The following MYO1D variants were observed in gnomAD, a reference collection of about 807,000 sequenced individuals.
MYO1D encodes myosin ID.
A neutral mutation model predicts 122.0 loss-of-function variants in MYO1D; 83 were observed. The observed-to-expected ratio is 0.68, with a 90% confidence interval of 0.57 to 0.82. MYO1D has a LOEUF of 0.82. MYO1D is among the 40% of genes least tolerant of loss of function. MYO1D has a pLI of 0.00. For synonymous variants in MYO1D, 464 were observed against 446.9 expected, an observed-to-expected ratio of 1.04 and a Z score of -0.48; for missense variants, 1,157 against 1,269.5, an observed-to-expected ratio of 0.91 and a Z score of 1.35.
chr17:32,530,617 A>G (rs1396608560), intron 21 of MYO1D, among the ~76,000 whole-genome samples: 1 of 152,128 alleles, frequency 6.6e-6, no homozygotes, highest in African/African-American at 2.4e-5. Context: ...CCTGGGCTAC[A>G]TGGTGAAACC....
intron 21 of MYO1D, among the ~76,000 whole-genome samples, chr17:32,581,239 A>G (rs2087335738): frequency 6.6e-6 from 1 of 152,018 alleles, no homozygotes; most frequent in East Asian, 1.9e-4. Context: ...AAGTTGTATC[A>G]CATTCTTTTG....
At chr17:32,499,600 C>G (rs964649547) in intron 21 of MYO1D, among the ~76,000 whole-genome samples, 1 of 152,044 alleles carries the variant, frequency 6.6e-6, no homozygotes, top group Non-Finnish European at 1.5e-5. Context: ...TGCCACTGCA[C>G]TCCAGCCTGG....
At chr17:32,830,842 G>A (rs1029308973) in intron 1 of MYO1D, among the ~76,000 whole-genome samples, 17 of 152,306 alleles carry the variant, frequency 1.1e-4, no homozygotes, top group South Asian at 6.2e-4. Flanking sequence ...GGCAGATCAC[G>A]AAGTCAGGAG....
At chr17:32,636,110 T>A (rs564020096) in intron 20 of MYO1D, among the ~76,000 whole-genome samples, 1 of 152,284 alleles carries the variant, frequency 6.6e-6, no homozygotes, top group African/African-American at 2.4e-5. Flanking sequence ...ATCCACCCCC[T>A]TTCTCTCTCT....
At chr17:32,860,524 T>C (rs2091061638) in intron 1 of MYO1D, among the ~76,000 whole-genome samples, 1 of 152,250 alleles carries the variant, frequency 6.6e-6, no homozygotes, top group African/African-American at 2.4e-5. Context: ...TTTGTATTTG[T>C]ATTGTTAAAT....
rs77898125 is a variant in MYO1D at position 32,548,684 on chromosome 17, C to T, written c.2865-53769G>A. Among the ~76,000 whole-genome samples, 311 of 151,498 alleles carry T rather than the reference C, an allele frequency of 2.1e-3. 1 individual carries two copies. The highest frequency in any genetic ancestry group is 3.3e-3 in the Non-Finnish European group (225 of 67,912). On this transcript the variant is annotated intron_variant, in intron 21 of 21. Transcript: ENST00000318217. ...GGAGACCTGACTTCTTATTCAGTAC[C>T]ACTTTAAATTCTTTTTAAATTATTT...
chr17:32,654,695 T>TC, intron 17 of MYO1D, 74 bp from the exon 18 acceptor site: 5 of 1,375,818 alleles, frequency 3.6e-6, no homozygotes, highest in Non-Finnish European at 4.8e-6. Flanking sequence ...TTTTTTTTTT[T>TC]CTTTTTTGAG....
chr17:32,501,074 G>A (rs1305471974), intron 21 of MYO1D, among the ~76,000 whole-genome samples: 1 of 151,510 alleles, frequency 6.6e-6, no homozygotes, highest in Non-Finnish European at 1.5e-5. Flanking sequence ...ACATTGAACT[G>A]CCATATCACC....
At chr17:32,844,968 A>G (rs777738213) in intron 1 of MYO1D, among the ~76,000 whole-genome samples, 7 of 152,144 alleles carry the variant, frequency 4.6e-5, no homozygotes, top group African/African-American at 1.2e-4. Flanking sequence ...AAATGTCAAC[A>G]GTACACCTTT....
At chr17:32,858,553 C>A (rs560985702) in intron 1 of MYO1D, among the ~76,000 whole-genome samples, 32 of 152,154 alleles carry the variant, frequency 2.1e-4, no homozygotes, top group Non-Finnish European at 3.1e-4. Flanking sequence ...TCAGGTTATG[C>A]ATCTTTAGCA....
At chr17:32,845,661 C>T (rs1038236162) in intron 1 of MYO1D, among the ~76,000 whole-genome samples, 1 of 152,044 alleles carries the variant, frequency 6.6e-6, no homozygotes, top group South Asian at 2.1e-4. Flanking sequence ...CCACATGTGG[C>T]TATTAAACTT....
At chr17:32,723,638 T>G (rs1257608045) in intron 14 of MYO1D, among the ~76,000 whole-genome samples, 1 of 152,146 alleles carries the variant, frequency 6.6e-6, no homozygotes, top group Admixed American at 6.5e-5. Flanking sequence ...CGAGAGGGTC[T>G]GCCTGCCCTC....
chr17:32,730,118 ATTGTTT>A (rs748260159), intron 14 of MYO1D, among the ~76,000 whole-genome samples: 56 of 136,558 alleles, frequency 4.1e-4, no homozygotes, highest in Non-Finnish European at 7.4e-4. Context: ...CTTTGTTTTT[ATTGTTT>A]TTTTTTTTCT....
At chr17:32,628,050 T>C (rs568052850) in intron 20 of MYO1D, among the ~76,000 whole-genome samples, 17 of 152,338 alleles carry the variant, frequency 1.1e-4, no homozygotes, top group Non-Finnish European at 1.8e-4. Flanking sequence ...ATCAAAGTTT[T>C]GGACACAATA....
chr17:32,703,496 G>A (rs1367829946), intron 16 of MYO1D, among the ~76,000 whole-genome samples: 1 of 151,376 alleles, frequency 6.6e-6, no homozygotes, highest in African/African-American at 2.4e-5. Flanking sequence ...GCCAAGGGTG[G>A]TATTGAACTC....
intron 1 of MYO1D, among the ~76,000 whole-genome samples, chr17:32,831,015 C>T (rs2090766968): frequency 6.6e-6 from 1 of 152,140 alleles, no homozygotes; most frequent in South Asian, 2.1e-4. Flanking sequence ...GAGATCATGC[C>T]ACTGCACTCC....
chr17:32,836,334 T>C (rs1253714286), intron 1 of MYO1D, among the ~76,000 whole-genome samples: 1 of 152,202 alleles, frequency 6.6e-6, no homozygotes, highest in Non-Finnish European at 1.5e-5. Flanking sequence ...TCCCTCAGTT[T>C]ATCAGTAAGG....
intron 14 of MYO1D, among the ~76,000 whole-genome samples, chr17:32,729,209 T>C (rs2089609422): frequency 6.6e-6 from 1 of 152,220 alleles, no homozygotes; most frequent in South Asian, 2.1e-4. Context: ...AGTACACCAA[T>C]CAGTATATAG....
In MYO1D at chr17:32,765,015, T is replaced by C. The variant is rs376710581; in HGVS notation, c.898A>G (p.Ile300Val). The C allele has an allele frequency of 1.5e-5, 24 of 1,613,960 alleles. No homozygotes were observed. Among genetic ancestry groups the C allele is most frequent in the African/African-American group, 5.3e-5 (4 of 74,938 alleles). ...LIENGKVVSI[I>V]AELLSTKTDM... The stretch of plus-strand genomic sequence containing the variant: ...GTCTTAGTAGAGAGCAATTCTGCTA[T>C]GATAGATACTACTTTGCCATTCTCA... The change falls in exon 8 of 22, where the codon ATA becomes GTA. Residue 300 changes from isoleucine (I) to valine (V), a missense_variant. Coordinates refer to ENST00000318217, the MANE Select transcript of MYO1D (RefSeq NM_015194.3).
Sources: allele counts gnomAD v4.1 joint callset (sites outside exome capture counted in the v4.1 genomes callset), GRCh38; gene constraint gnomAD v4.1.1; transcripts MANE v1.5; gene names NCBI Gene and HGNC (gene_info 2026-07-23, HGNC 2026-07-21).